CCDC30: variants seen among roughly 807,000 people sequenced by gnomAD.
CCDC30 encodes coiled-coil domain containing 30, also known as coiled-coil domain-containing protein 30.
In CCDC30, 70 loss-of-function variants were observed where a neutral mutation model predicts 100.2. The observed-to-expected ratio is 0.70, with a 90% CI of 0.58 to 0.85. CCDC30 has a LOEUF of 0.85. Among genes scored for constraint, CCDC30 ranks in the 40% least tolerant of loss-of-function variants. The probability of loss-of-function intolerance (pLI) is 0.00; values close to 1 mark genes in which losing one functional copy is unlikely to be tolerated. For missense variants in CCDC30, 652 were observed against 771.2 expected (o/e 0.85, Z 1.83); for synonymous variants, 233 against 269.5 (o/e 0.86, Z 1.33).
chr1:42,645,373 G>T (rs976095890), intron 14 of CCDC30, among the ~76,000 whole-genome samples: 3 of 151,916 alleles, frequency 2.0e-5, no homozygotes, highest in African/African-American at 7.3e-5. Flanking sequence ...AAGCAATTAT[G>T]TTCCAAAAGT....
intron 6 of CCDC30, chr1:42,500,482 C>G (rs550651058): frequency 1.0e-5 from 6 of 590,682 alleles, no homozygotes; most frequent in African/African-American, 1.9e-5. Flanking sequence ...GGCGTGATGT[C>G]GGCTCACTGT....
chr1:42,579,193 T>C (rs981267515), intron 8 of CCDC30, among the ~76,000 whole-genome samples: 1 of 150,760 alleles, frequency 6.6e-6, no homozygotes, highest in African/African-American at 2.4e-5. Flanking sequence ...GGTTTCACCA[T>C]GTTGGCCGGG....
At chr1:42,536,870 T>C in intron 6 of CCDC30, 1 of 419,250 alleles carries the variant, frequency 2.4e-6, no homozygotes, top group Admixed American at 4.0e-5. Context: ...TGTCCTCACA[T>C]GACAGAGTGA....
intron 1 of CCDC30, among the ~76,000 whole-genome samples, chr1:42,472,633 A>C (rs1490739417): frequency 6.6e-6 from 1 of 152,128 alleles, no homozygotes; most frequent in Non-Finnish European, 1.5e-5. Context: ...AAACTTTAGA[A>C]CAGACAGAAA....
At chr1:42,538,370 G>A (rs1644949333) in intron 6 of CCDC30, among the ~76,000 whole-genome samples, 1 of 151,530 alleles carries the variant, frequency 6.6e-6, no homozygotes, top group Admixed American at 6.6e-5. Context: ...AAACATCAGA[G>A]GATTAAAGAA....
intron 3 of CCDC30, among the ~76,000 whole-genome samples, chr1:42,485,645 T>C (rs1644037546): frequency 1.3e-5 from 2 of 151,792 alleles, no homozygotes; most frequent in South Asian, 4.1e-4. Context: ...CAAGACCCTG[T>C]CTCAAAGAAA....
chr1:42,621,396 G>T (rs1646827845), intron 11 of CCDC30, among the ~76,000 whole-genome samples: 2 of 151,856 alleles, frequency 1.3e-5, no homozygotes, highest in South Asian at 4.2e-4. Context: ...GCTCACTGCA[G>T]CCTTGACCTC....
downstream of CCDC30, among the ~76,000 whole-genome samples, chr1:42,655,455 G>A (rs1648625104): frequency 1.3e-5 from 2 of 152,116 alleles, no homozygotes; most frequent in Admixed American, 1.3e-4. Flanking sequence ...GCTGAGGCAG[G>A]AGAATCACTT....
intron 9 of CCDC30, among the ~76,000 whole-genome samples, chr1:42,588,401 G>C (rs1156500218): frequency 1.3e-5 from 2 of 152,272 alleles, no homozygotes; most frequent in Non-Finnish European, 2.9e-5. Flanking sequence ...TTATTAACGT[G>C]GGGTGGGGAA....
chr1:42,501,122 GT>G (rs1260366596), intron 6 of CCDC30, among the ~76,000 whole-genome samples: 2 of 152,040 alleles, frequency 1.3e-5, no homozygotes, highest in African/African-American at 4.8e-5. Flanking sequence ...CACAAAATAT[GT>G]TTCTTATACT....
rs376719993 is a variant in CCDC30 at position 42,615,613 on chromosome 1, TA to T, written c.1277+4531del. 7.3e-4 allele frequency among the ~76,000 whole-genome samples: 111 copies of T among 152,064 alleles called. 1 individual carries two copies. In the South Asian group the frequency reaches 0.02, roughly 27 times the overall value. On this transcript the variant is annotated intron_variant, in intron 11 of 16. Transcript: ENST00000668663. ...CCACCGCGCCCGGCCAAGCAATTCT[TA>T]AAAAAAACCCTACGATTCTAAATGT...
intron 6 of CCDC30, among the ~76,000 whole-genome samples, chr1:42,507,498 T>A (rs530068518): frequency 3.9e-5 from 6 of 152,254 alleles, no homozygotes; most frequent in Non-Finnish European, 5.9e-5. Flanking sequence ...CTTTATCTTA[T>A]CTAATTTAAG....
intron 6 of CCDC30, chr1:42,536,601 G>A (rs376006908): frequency 1.3e-6 from 2 of 1,582,754 alleles, no homozygotes; most frequent in Non-Finnish European, 1.7e-6. Context: ...TTGAAAGTGA[G>A]GTATTACCAT....
intron 6 of CCDC30, among the ~76,000 whole-genome samples, chr1:42,551,698 A>G (rs567994942): frequency 2.1e-4 from 32 of 152,022 alleles, no homozygotes; most frequent in Middle Eastern, 6.8e-3. Context: ...TTTGGTTTCT[A>G]AGTATACACA....
At chr1:42,491,104 T>TA (rs1279628458) in intron 4 of CCDC30, among the ~76,000 whole-genome samples, 1 of 152,184 alleles carries the variant, frequency 6.6e-6, no homozygotes, top group Non-Finnish European at 1.5e-5. Context: ...AGCCTCCTTT[T>TA]AAAAATGTAT....
chr1:42,478,481 G>A (rs1020279875), intron 1 of CCDC30, among the ~76,000 whole-genome samples: 16 of 152,250 alleles, frequency 1.1e-4, no homozygotes, highest in East Asian at 9.6e-4. Flanking sequence ...TTCTCTGGCC[G>A]TGCACGGTGG....
chr1:42,505,415 GA>G (rs891332506), intron 6 of CCDC30, among the ~76,000 whole-genome samples: 3 of 151,464 alleles, frequency 2.0e-5, no homozygotes, highest in Admixed American at 6.6e-5. Context: ...AAAATGTAGG[GA>G]AAAAAAACTT....
intron 8 of CCDC30, among the ~76,000 whole-genome samples, chr1:42,579,869 C>G (rs1467933735): frequency 6.6e-6 from 1 of 150,984 alleles, no homozygotes; most frequent in East Asian, 1.9e-4. Context: ...GTAGCACATG[C>G]ATGTAGTACC....
downstream of CCDC30, among the ~76,000 whole-genome samples, chr1:42,657,173 G>T (rs1648692885): frequency 6.6e-6 from 1 of 152,176 alleles, no homozygotes; most frequent in African/African-American, 2.4e-5. Context: ...TTTATTAAAT[G>T]CATGCTGTTA....
Sources: gnomAD v4.1 joint callset for allele counts (sites outside exome capture counted in the v4.1 genomes callset) on GRCh38, gnomAD v4.1.1 for gene constraint, MANE v1.5 for transcripts, NCBI Gene and HGNC (gene_info 2026-07-23, HGNC 2026-07-21) for gene names.